CCSER1: variants seen among roughly 807,000 people sequenced by gnomAD.
The protein encoded by CCSER1 is coiled-coil serine rich protein 1.
CCSER1 carries 41 observed loss-of-function variants against 82.0 expected under a neutral mutation model. The ratio of observed to expected loss-of-function variants is 0.50; its 90% confidence interval spans 0.39 to 0.65. The LOEUF (loss-of-function observed/expected upper bound fraction) is 0.65, where lower values mean the gene tolerates loss of function less well. Ranked by LOEUF, CCSER1 falls within the 30% of genes least tolerant of loss-of-function variation. The pLI is 0.00. For synonymous variants in CCSER1, 414 were observed against 383.9 expected (o/e 1.08, Z -0.92); for missense variants, 1,119 against 1,064.2 (o/e 1.05, Z -0.72).
In CCSER1 at chr4:90,965,112, A is replaced by G. The variant is rs148897117; in HGVS notation, c.2172+41665A>G. Among the ~76,000 whole-genome samples the G allele has an allele frequency of 1.5e-4, 23 of 152,242 alleles. No individual in the cohort carries two copies. In the East Asian group the frequency reaches 4.4e-3, roughly 29 times the overall value. On this transcript the variant is annotated intron_variant, in intron 9 of 10. Coordinates refer to ENST00000509176, the MANE Select transcript of CCSER1 (RefSeq NM_001145065.2). ...ACAAGACTTGTTTTTATTTGAACTC[A>G]GGGCTTACTCATTGCAAAAAGCCCT...
Position 91,264,191 on chromosome 4 carries a change from G to A in CCSER1, c.2217+178197G>A, listed in dbSNP as rs1212230581. 8.6e-5 allele frequency among the ~76,000 whole-genome samples: 13 copies of A among 151,768 alleles called. No individual in the cohort carries two copies. In the East Asian group the frequency reaches 2.3e-3, roughly 27 times the overall value. On this transcript the variant is annotated intron_variant, in intron 10 of 10. Coordinates refer to ENST00000509176, the MANE Select transcript of CCSER1 (RefSeq NM_001145065.2). ...ATGAATGACTATCTTCCTCAGGAGAGCACAAATTAATTTTTATTAACAAAG... is the reference window on the plus strand; with the variant it reads ...ATGAATGACTATCTTCCTCAGGAGAACACAAATTAATTTTTATTAACAAAG...
intron 10 of CCSER1, among the ~76,000 whole-genome samples, chr4:91,398,728 A>G (rs955476401): frequency 5.9e-5 from 9 of 151,900 alleles, no homozygotes; most frequent in Non-Finnish European, 8.8e-5. Context: ...GGAATCAGCA[A>G]CAGAAAGTAA....
intron 5 of CCSER1, among the ~76,000 whole-genome samples, chr4:90,529,404 A>G (rs1325187870): frequency 2.6e-5 from 4 of 152,016 alleles, no homozygotes; most frequent in East Asian, 1.9e-4. Context: ...TAATTTTTGT[A>G]TGTTTAATGG....
intron 10 of CCSER1, among the ~76,000 whole-genome samples, chr4:91,089,535 C>T (rs2189186): frequency 0.31 from 47,260 of 152,090 alleles, 8,214 homozygotes; most frequent in East Asian, 0.45. Context: ...TGGGAATTCT[C>T]ACTTTCATTT....
intron 6 of CCSER1, among the ~76,000 whole-genome samples, chr4:90,672,730 G>A (rs573422792): frequency 6.6e-6 from 1 of 152,076 alleles, no homozygotes; most frequent in South Asian, 2.1e-4. Flanking sequence ...TTAATTTAGG[G>A]TGAGAGAAAT....
At chr4:91,306,627 G>C (rs891476365) in intron 10 of CCSER1, among the ~76,000 whole-genome samples, 1 of 151,756 alleles carries the variant, frequency 6.6e-6, no homozygotes, top group African/African-American at 2.4e-5. Context: ...TCTGAAACTT[G>C]GTTCATTCAA....
chr4:91,068,802 G>T (rs1721113966), intron 9 of CCSER1, among the ~76,000 whole-genome samples: 1 of 152,146 alleles, frequency 6.6e-6, no homozygotes, highest in African/African-American at 2.4e-5. Flanking sequence ...ATAGGTAAAG[G>T]CCACAACTTT....
intron 10 of CCSER1, chr4:91,319,136 A>G (rs1390498947): frequency 8.4e-6 from 2 of 239,294 alleles, no homozygotes; most frequent in South Asian, 8.5e-5. Flanking sequence ...AATTTTTTCT[A>G]AAGGGAAAAA....
intron 10 of CCSER1, among the ~76,000 whole-genome samples, chr4:91,491,164 A>G (rs549157633): frequency 9.2e-5 from 14 of 151,640 alleles, no homozygotes; most frequent in African/African-American, 3.4e-4. Flanking sequence ...TGATGGAGAC[A>G]TGATTTTATC....
intron 5 of CCSER1, among the ~76,000 whole-genome samples, chr4:90,550,106 G>C (rs539482689): frequency 9.2e-5 from 14 of 152,214 alleles, no homozygotes; most frequent in African/African-American, 3.4e-4. Context: ...TTGGAAAGCA[G>C]GGAAGGGGGT....
At chr4:91,485,864 G>A (rs1758192445) in intron 10 of CCSER1, among the ~76,000 whole-genome samples, 1 of 152,006 alleles carries the variant, frequency 6.6e-6, no homozygotes, top group Admixed American at 6.6e-5. Flanking sequence ...GAAGATCATT[G>A]CATACAAATA....
rs879372731 is a variant in CCSER1 at position 91,505,310 on chromosome 4, T to G, written c.2218-93262T>G. On this transcript the variant is annotated intron_variant, in intron 10 of 10. Coordinates refer to ENST00000509176, the MANE Select transcript of CCSER1 (RefSeq NM_001145065.2). Reference sequence around the variant, plus strand: ...GGCTGCATAGTATTCATGGTGTATATGTACCACATTTTCTTTAATCAGTCT... The same window carrying G: ...GGCTGCATAGTATTCATGGTGTATAGGTACCACATTTTCTTTAATCAGTCT... Among the ~76,000 whole-genome samples the G allele has an allele frequency of 2.6e-5, 4 of 152,376 alleles. No individual in the cohort carries two copies. In the South Asian group the frequency reaches 6.2e-4, roughly 24 times the overall value.
intron 10 of CCSER1, among the ~76,000 whole-genome samples, chr4:91,477,435 G>T (rs565015873): frequency 1.3e-5 from 2 of 151,772 alleles, no homozygotes; most frequent in Non-Finnish European, 3.0e-5. Flanking sequence ...GCTATGAAAT[G>T]CAGGGTTTGG....
intron 10 of CCSER1, among the ~76,000 whole-genome samples, chr4:91,491,228 C>T (rs1318766795): frequency 2.0e-5 from 3 of 151,766 alleles, no homozygotes; most frequent in Non-Finnish European, 4.4e-5. Context: ...TTAAGTCCTT[C>T]CACATGGTGC....
At chr4:90,177,802 T>C (rs1732981945) in intron 1 of CCSER1, among the ~76,000 whole-genome samples, 1 of 152,078 alleles carries the variant, frequency 6.6e-6, no homozygotes, top group African/African-American at 2.4e-5. Flanking sequence ...TGACAAAATA[T>C]GTTCTGTTTG....
In CCSER1 at chr4:90,923,443, A is replaced by G. The variant is rs750392023; in HGVS notation, c.2168A>G (p.Tyr723Cys). ...TCCACACAGACTGAACTACTATGCT[A>G]TGATGTAAGTAGCTCTGTAAAACCA... ...DKSTQTELLCYDGLNLKRLET... is the reference protein window; with the variant it reads ...DKSTQTELLCCDGLNLKRLET... Residue 723 changes from tyrosine (Y) to cysteine (C), a missense_variant, in exon 9 of 11, where the codon TAT (tyrosine) becomes TGT (cysteine). By Grantham distance (194) the Tyr-to-Cys change is radical. Transcript: ENST00000509176. 49 of 1,548,984 alleles carry G rather than the reference A, an allele frequency of 3.2e-5. 1 individual carries two copies. Among genetic ancestry groups the G allele is most frequent in the Middle Eastern group, 3.3e-4 (2 of 6,006 alleles).
intron 10 of CCSER1, among the ~76,000 whole-genome samples, chr4:91,355,394 C>G (rs934740707): frequency 6.6e-6 from 1 of 152,028 alleles, no homozygotes; most frequent in African/African-American, 2.4e-5. Flanking sequence ...ATTTTAAAAA[C>G]TGTGATCGTG....
At chr4:90,329,646 T>G (rs562921590) in intron 3 of CCSER1, among the ~76,000 whole-genome samples, 19 of 152,262 alleles carry the variant, frequency 1.2e-4, no homozygotes, top group African/African-American at 4.3e-4. Context: ...AAGTCATACA[T>G]TTTTCACAGT....
intron 3 of CCSER1, among the ~76,000 whole-genome samples, chr4:90,370,697 G>C (rs1203215690): frequency 2.0e-5 from 3 of 151,902 alleles, no homozygotes; most frequent in Admixed American, 6.6e-5. Flanking sequence ...GCCCTTTCAA[G>C]AATAAAAGCT....
Sources: allele counts gnomAD v4.1 joint callset (sites outside exome capture counted in the v4.1 genomes callset), GRCh38; gene constraint gnomAD v4.1.1; transcripts MANE v1.5; gene names NCBI Gene and HGNC (gene_info 2026-07-23, HGNC 2026-07-21).